Variants in EPSTI1 observed in about 807,000 individuals in gnomAD.
The protein encoded by EPSTI1 is epithelial stromal interaction 1.
Under a neutral mutation model 49.9 loss-of-function variants are expected in EPSTI1, and 66 were observed. The observed-to-expected ratio is 1.32, with a 90% CI of 1.08 to 1.62. EPSTI1 has a LOEUF of 1.62. Among genes scored for constraint, EPSTI1 ranks in the 40% most tolerant of loss-of-function variants. The probability of loss-of-function intolerance (pLI) is 0.00; values close to 1 mark genes in which losing one functional copy is unlikely to be tolerated. For synonymous variants in EPSTI1, 137 were observed against 130.7 expected (o/e 1.05, Z -0.33); for missense variants, 394 against 365.5 (o/e 1.08, Z -0.64).
intron 7 of EPSTI1, among the ~76,000 whole-genome samples, chr13:42,920,863 T>A (rs184007140): frequency 1.3e-5 from 2 of 151,754 alleles, no homozygotes; most frequent in East Asian, 1.9e-4. Context: ...ATATATATAT[T>A]TTTAAAGTAA....
At chr13:42,908,503 A>AAAAC (rs1447703932) in intron 8 of EPSTI1, among the ~76,000 whole-genome samples, 1 of 149,386 alleles carries the variant, frequency 6.7e-6, no homozygotes, top group Non-Finnish European at 1.5e-5. Flanking sequence ...AAAAAAAAAA[A>AAAAC]GGAAAAGAAA....
At chr13:42,896,789 T>G (rs1594607062) in intron 9 of EPSTI1, among the ~76,000 whole-genome samples, 1 of 152,282 alleles carries the variant, frequency 6.6e-6, no homozygotes, top group East Asian at 1.9e-4. Context: ...CTGAGTATCA[T>G]TCTCTTCTTC....
chr13:42,971,618 G>GAGA (rs2039769852), intron 1 of EPSTI1, among the ~76,000 whole-genome samples: 11 of 151,524 alleles, frequency 7.3e-5, no homozygotes, highest in Admixed American at 6.6e-4. Context: ...AAGAGGGAGG[G>GAGA]AAAAAACCCC....
At position 42,953,919 on chromosome 13, in the gene EPSTI1, GGCACGAAGTTCTGAAAACATTAAC is replaced by G. The variant is rs758550130; in HGVS notation, c.563+5_563+28del. ...CCTCTATGAACAATCTGCCTATAAA[GGCACGAAGTTCTGAAAACATTAAC>G]TTACTATTGCTGATGCTCTCTAAAT... On this transcript the variant is annotated splice_donor_5th_base_variant and intron_variant, in intron 6 of 10. Coordinates refer to ENST00000313624, the MANE Select transcript of EPSTI1 (RefSeq NM_033255.5). 1.9e-6 allele frequency: 3 copies of G among 1,588,662 alleles called. No homozygotes were observed. In the South Asian group the frequency reaches 3.4e-5, roughly 18 times the overall value.
Position 42,992,039 on chromosome 13 carries a change from C to CA in EPSTI1, c.126_127insT (p.Gly43TrpfsTer7), listed in dbSNP as rs2040205525. On this transcript the variant is annotated frameshift_variant, in exon 1 of 11. Transcript: ENST00000313624. LOFTEE classifies it high-confidence loss of function. ...GGGCCCTTAGGGGCTGCCTCCAAAC[C>CA]CTCTCTCTGGTCTTCCACGGGGCTC... The CA allele has an allele frequency of 1.2e-6, 2 of 1,613,408 alleles. No individual in the cohort carries two copies. Among genetic ancestry groups the CA allele is most frequent in the Admixed American group, 1.7e-5 (1 of 60,012 alleles).
Position 42,944,547 on chromosome 13 carries a change from A to T in EPSTI1, c.563+9401T>A, listed in dbSNP as rs541663209. On this transcript the variant is annotated intron_variant, in intron 6 of 10. Coordinates refer to ENST00000313624, the MANE Select transcript of EPSTI1 (RefSeq NM_033255.5). The stretch of plus-strand genomic sequence containing the variant: ...GGTGGGGGGCTAGGGGAGGGATAGC[A>T]TTAGGAGAAATACCTAATGTAGATG... 2.0e-5 allele frequency among the ~76,000 whole-genome samples: 3 copies of T among 152,322 alleles called. No individual in the cohort carries two copies. In the South Asian group the frequency reaches 6.2e-4, roughly 32 times the overall value.
chr13:42,963,124 G>C, intron 5 of EPSTI1, 131 bp downstream of exon 5: 1 of 752,504 alleles, frequency 1.3e-6, no homozygotes, highest in East Asian at 2.7e-5. Flanking sequence ...ATGAGGAAAA[G>C]AAGAGTGGGG....
intron 6 of EPSTI1, among the ~76,000 whole-genome samples, chr13:42,928,085 C>G (rs1594664300): frequency 3.3e-5 from 5 of 152,322 alleles, no homozygotes; most frequent in Admixed American, 2.6e-4. Context: ...ATCTGTGGTC[C>G]TTGTGCCAAT....
Position 42,926,398 on chromosome 13 carries a change from T to C in EPSTI1, c.595A>G (p.Thr199Ala). ...KTAEFLSKLN[T>A]ESPDRSACQS... ...CAGGCACTTCTGTCTGGCGATTCTG[T>C]GTTCAGTTTGCTCAAGAACTCAGCG... is the stretch of plus-strand genomic sequence containing the variant. The change falls in exon 7 of 11, where the codon ACA becomes GCA. Residue 199 changes from threonine (T) to alanine (A), a missense_variant. By Grantham distance (58) the Thr-to-Ala change is moderately conservative. Transcript: ENST00000313624. 1 of 1,613,738 alleles carries C rather than the reference T, an allele frequency of 6.2e-7. No individual in the cohort carries two copies. Among genetic ancestry groups the C allele is most frequent in the Non-Finnish European group, 8.5e-7 (1 of 1,179,596 alleles).
In EPSTI1 at chr13:42,989,591, G is replaced by GT. The variant is rs1555271104; in HGVS notation, c.188+2386dup. Among the ~76,000 whole-genome samples, 254 of 52,618 alleles carry GT rather than the reference G, an allele frequency of 4.8e-3. 2 individuals carry two copies. Among genetic ancestry groups the GT allele is most frequent in the African/African-American group, 0.016 (243 of 15,498 alleles). The allele number at this position is 52,618 out of a possible 152,430, so 34.5% of individuals were successfully genotyped here. On this transcript the variant is annotated intron_variant, in intron 1 of 10. Transcript: ENST00000313624. ...TCTTTTTTTTTTTTTTTTGCTTTTTGTTTTGTTTTGTTTTGTTTTTGAGAC... is the reference window on the plus strand; with the variant it reads ...TCTTTTTTTTTTTTTTTTGCTTTTTGTTTTTGTTTTGTTTTGTTTTTGAGAC...
intron 5 of EPSTI1, among the ~76,000 whole-genome samples, chr13:42,956,485 A>C (rs188428986): frequency 1.3e-4 from 20 of 152,340 alleles, no homozygotes; most frequent in Admixed American, 1.0e-3. Flanking sequence ...TGTTCAGCCC[A>C]TGGGGTCCCA....
chr13:42,925,614 C>G (rs555411721), intron 7 of EPSTI1, among the ~76,000 whole-genome samples: 2 of 152,168 alleles, frequency 1.3e-5, no homozygotes, highest in Admixed American at 6.5e-5. Flanking sequence ...ACCGTTCCTG[C>G]TCATTTCTAT....
At chr13:42,902,144 A>T (rs115203315) in intron 8 of EPSTI1, among the ~76,000 whole-genome samples, 169 of 152,310 alleles carry the variant, frequency 1.1e-3, no homozygotes, top group African/African-American at 4.0e-3. Context: ...ACTACCTACA[A>T]TGGAAAAAAG....
At chr13:42,958,380 A>G (rs771285391) in intron 5 of EPSTI1, among the ~76,000 whole-genome samples, 3 of 152,220 alleles carry the variant, frequency 2.0e-5, no homozygotes, top group African/African-American at 7.2e-5. Flanking sequence ...AGACCACTAT[A>G]TGGAAAATTT....
At chr13:42,974,658 CA>C (rs61128582) in intron 1 of EPSTI1, among the ~76,000 whole-genome samples, 45,627 of 121,378 alleles carry the variant, frequency 0.38, 6,910 homozygotes, top group Middle Eastern at 0.56. Context: ...GACTCCGTCT[CA>C]AAAAAAAAAA....
chr13:42,965,433 C>T (rs529421725), intron 3 of EPSTI1, among the ~76,000 whole-genome samples: 7 of 152,072 alleles, frequency 4.6e-5, no homozygotes, highest in Non-Finnish European at 8.8e-5. Flanking sequence ...CAACAGATGC[C>T]GAGCGCTTCA....
At chr13:42,982,240 G>A (rs1317032501) in intron 1 of EPSTI1, among the ~76,000 whole-genome samples, 1 of 152,100 alleles carries the variant, frequency 6.6e-6, no homozygotes, top group Non-Finnish European at 1.5e-5. Context: ...GTGACCTCTG[G>A]TTTTCCTCAA....
At chr13:42,930,512 C>T (rs1347577765) in intron 6 of EPSTI1, among the ~76,000 whole-genome samples, 1 of 152,144 alleles carries the variant, frequency 6.6e-6, no homozygotes, top group African/African-American at 2.4e-5. Context: ...TACACAAAAC[C>T]CATTTAAGAA....
At chr13:42,925,501 C>G (rs537166036) in intron 7 of EPSTI1, among the ~76,000 whole-genome samples, 2 of 152,216 alleles carry the variant, frequency 1.3e-5, no homozygotes, top group South Asian at 2.1e-4. Flanking sequence ...CCTTCATGCC[C>G]AGGGCCTAGG....
Sources: gnomAD v4.1 joint callset for allele counts (sites outside exome capture counted in the v4.1 genomes callset) on GRCh38, gnomAD v4.1.1 for gene constraint, MANE v1.5 for transcripts, NCBI Gene and HGNC (gene_info 2026-07-23, HGNC 2026-07-21) for gene names.